The following ZNF521 variants were observed in gnomAD, a reference collection of about 807,000 sequenced individuals.
The protein encoded by ZNF521 is zinc finger protein 521.
In ZNF521, 14 loss-of-function variants were observed where a neutral mutation model predicts 105.5. That is an observed-to-expected ratio of 0.13 (90% CI 0.09 to 0.21). The LOEUF (loss-of-function observed/expected upper bound fraction) is 0.21, where lower values mean the gene tolerates loss of function less well. Among genes scored for constraint, ZNF521 ranks in the 10% least tolerant of loss-of-function variants. The pLI is 1.00. For synonymous variants in ZNF521, 635 were observed against 606.0 expected, an observed-to-expected ratio of 1.05 and a Z score of -0.70; for missense variants, 1,233 against 1,629.7, an observed-to-expected ratio of 0.76 and a Z score of 4.19.
At chr18:25,115,181 G>T (rs1438398915) in intron 5 of ZNF521, among the ~76,000 whole-genome samples, 1 of 152,142 alleles carries the variant, frequency 6.6e-6, no homozygotes, top group Non-Finnish European at 1.5e-5. Flanking sequence ...AGGGCTCTCT[G>T]CAGAGAGTGA....
intron 3 of ZNF521, among the ~76,000 whole-genome samples, chr18:25,236,701 G>T (rs1163778017): frequency 1.3e-5 from 2 of 151,994 alleles, no homozygotes; most frequent in Non-Finnish European, 2.9e-5. Flanking sequence ...ACACTTACAT[G>T]GTAAAACTGA....
chr18:25,074,975 A>C (rs565421970), intron 7 of ZNF521, among the ~76,000 whole-genome samples: 2 of 152,292 alleles, frequency 1.3e-5, no homozygotes, highest in East Asian at 3.9e-4. Context: ...ACAATAAAGC[A>C]ATATAATTAA....
At chr18:25,283,318 TGCTGTGCTCTAA>T (rs1910497940) in intron 3 of ZNF521, among the ~76,000 whole-genome samples, 1 of 152,218 alleles carries the variant, frequency 6.6e-6, no homozygotes, top group South Asian at 2.1e-4. Context: ...TCATGAGGAT[TGCTGTGCTCTAA>T]GCTTAACCCT....
At chr18:25,261,795 G>A (rs916760359) in intron 3 of ZNF521, among the ~76,000 whole-genome samples, 1 of 151,998 alleles carries the variant, frequency 6.6e-6, no homozygotes, top group Non-Finnish European at 1.5e-5. Context: ...AAAGGAAAGC[G>A]GCTCTGCTGA....
At position 25,103,103 on chromosome 18, in the gene ZNF521, G is replaced by A. The variant is rs1321286890; in HGVS notation, c.3659-11022C>T. Among the ~76,000 whole-genome samples, 3 of 152,002 alleles carry A rather than the reference G, an allele frequency of 2.0e-5. No individual in the cohort carries two copies. The South Asian group carries it at 6.2e-4, about 32-fold the overall frequency. ...GGAAGGCTGGAAAATTTGGTTATAGGAAGTTAAATTTCCCATAACTAGAGA... is the reference window on the plus strand; with the variant it reads ...GGAAGGCTGGAAAATTTGGTTATAGAAAGTTAAATTTCCCATAACTAGAGA... On this transcript the variant is annotated intron_variant, in intron 5 of 7. Transcript: ENST00000361524.
chr18:25,155,767 A>G (rs1388153252), intron 5 of ZNF521, among the ~76,000 whole-genome samples: 3 of 152,198 alleles, frequency 2.0e-5, no homozygotes, highest in African/African-American at 4.8e-5. Flanking sequence ...AAACTGTGGT[A>G]TAAATATATG....
At chr18:25,341,045 T>C (rs149557021) in intron 2 of ZNF521, among the ~76,000 whole-genome samples, 41 of 152,316 alleles carry the variant, frequency 2.7e-4, no homozygotes, top group African/African-American at 9.4e-4. Flanking sequence ...CTTCGGTCAG[T>C]TACACTCCCC....
chr18:25,147,383 C>A (rs2034964628), intron 5 of ZNF521, among the ~76,000 whole-genome samples: 1 of 152,042 alleles, frequency 6.6e-6, no homozygotes, highest in African/African-American at 2.4e-5. Flanking sequence ...TGCAAGGGAC[C>A]AAACTATAAA....
chr18:25,205,910 A>T (rs1286584185), intron 4 of ZNF521, among the ~76,000 whole-genome samples: 3 of 152,190 alleles, frequency 2.0e-5, no homozygotes, highest in Admixed American at 2.0e-4. Context: ...TACATGTTGT[A>T]TCAGAATTAT....
intron 5 of ZNF521, among the ~76,000 whole-genome samples, chr18:25,191,664 A>G (rs540426086): frequency 2.0e-5 from 3 of 152,328 alleles, no homozygotes; most frequent in Non-Finnish European, 2.9e-5. Flanking sequence ...TCTCATAAAT[A>G]GTTCTTGGCA....
rs372600633 is a variant in ZNF521, at chr18:25,227,328, G to T, written c.590C>A (p.Thr197Lys). Residue 197 changes from threonine to lysine, a missense_variant, in exon 4 of 8, where the codon ACG becomes AAG. Thr to Lys is a moderately conservative substitution (Grantham distance 78). Around this residue, in one of 6 missense-constraint regions of ZNF521, gnomAD observed 380 missense variants for 478.0 expected, o/e 0.80. Coordinates refer to ENST00000361524, the MANE Select transcript of ZNF521 (RefSeq NM_015461.3). This position sits in a 1 kb window ranked among gnomAD's most constrained non-coding sequence, Gnocchi z 5.7. ...DHLKIHLKTH[T>K]SNKPYKCAIC... The stretch of plus-strand genomic sequence containing the variant: ...GGCACATTTATATGGCTTGTTGGAC[G>T]TGTGAGTCTTTAAGTGGATCTTCAA... 3.1e-6 allele frequency: 5 copies of T among 1,614,042 alleles called. No homozygotes were observed. The African/African-American group carries it at 5.3e-5, about 17-fold the overall frequency.
intron 3 of ZNF521, among the ~76,000 whole-genome samples, chr18:25,268,226 C>CTGAA (rs996537670): frequency 7.2e-5 from 11 of 151,886 alleles, no homozygotes; most frequent in African/African-American, 2.7e-4. Context: ...GAAGACAAGA[C>CTGAA]TGAAGTAAGA....
intron 4 of ZNF521, among the ~76,000 whole-genome samples, chr18:25,210,403 C>A (rs2036158467): frequency 6.6e-6 from 1 of 152,112 alleles, no homozygotes; most frequent in Non-Finnish European, 1.5e-5. Flanking sequence ...CAGCAGCAAT[C>A]TCCCTATAAC....
chr18:25,074,138 G>C (rs12962845), intron 7 of ZNF521, among the ~76,000 whole-genome samples: 15,856 of 152,216 alleles, frequency 0.1, 1,025 homozygotes, highest in East Asian at 0.19. Context: ...GCCTAAGCGA[G>C]TGTTGCGCAG....
At chr18:25,130,588 T>C (rs1434573394) in intron 5 of ZNF521, among the ~76,000 whole-genome samples, 3 of 152,112 alleles carry the variant, frequency 2.0e-5, no homozygotes, top group Admixed American at 1.3e-4. Context: ...AATATGGAAA[T>C]GGTACTTTCT....
chr18:25,085,238 T>TAC (rs1360254511), intron 7 of ZNF521, among the ~76,000 whole-genome samples: 1 of 149,600 alleles, frequency 6.7e-6, no homozygotes, highest in East Asian at 1.9e-4. Flanking sequence ...TATATATATA[T>TAC]ATAAGTATAA....
At chr18:25,121,779 C>G (rs1293696671) in intron 5 of ZNF521, among the ~76,000 whole-genome samples, 1 of 152,054 alleles carries the variant, frequency 6.6e-6, no homozygotes, top group Non-Finnish European at 1.5e-5. Context: ...AACTCCTCCC[C>G]CCAAATATAA....
chr18:25,283,167 T>C (rs1910487280), intron 3 of ZNF521, among the ~76,000 whole-genome samples: 1 of 152,150 alleles, frequency 6.6e-6, no homozygotes. Flanking sequence ...AACAAGCACC[T>C]CCACTCACTA....
At chr18:25,115,125 A>C (rs1271832234) in intron 5 of ZNF521, among the ~76,000 whole-genome samples, 1 of 152,148 alleles carries the variant, frequency 6.6e-6, no homozygotes, top group Non-Finnish European at 1.5e-5. Flanking sequence ...AATAACTGGA[A>C]ATCTATAGTC....
Sources: allele counts gnomAD v4.1 joint callset (sites outside exome capture counted in the v4.1 genomes callset), GRCh38; gene constraint gnomAD v4.1.1; regional missense constraint gnomAD v4.1.1; non-coding constraint Gnocchi (gnomAD v3.1); transcripts MANE v1.5; gene names NCBI Gene and HGNC (gene_info 2026-07-23, HGNC 2026-07-21).